The following ZNF469 variants were observed in gnomAD, a reference collection of about 807,000 sequenced individuals.
ZNF469 encodes zinc finger protein 469.
Under a neutral mutation model 1.0 loss-of-function variants are expected in ZNF469, and 1 was observed. The ratio of observed to expected loss-of-function variants is 1.00; its 90% CI spans 0.35 to 4.73. The LOEUF (loss-of-function observed/expected upper bound fraction) is 4.73, where lower values mean the gene tolerates loss of function less well. Among genes scored for constraint, ZNF469 ranks in the 30% most tolerant of loss-of-function variants. The probability of loss-of-function intolerance (pLI) is 0.16; values close to 1 mark genes in which losing one functional copy is unlikely to be tolerated. For missense variants in ZNF469, 6,100 were observed against 5,356.3 expected, an observed-to-expected ratio of 1.14 and a Z score of -4.33; for synonymous variants, 2,703 against 2,363.4, an observed-to-expected ratio of 1.14 and a Z score of -4.17.
At chr16:88,117,041 C>T in the ZNF469 span, among the ~76,000 whole-genome samples, 4 of 152,182 alleles carry the variant, frequency 2.6e-5, no homozygotes, top group Non-Finnish European at 5.9e-5. Context: ...TGGGTCATGC[C>T]AGGCTGATGG....
upstream of ZNF469, among the ~76,000 whole-genome samples, chr16:88,381,228 ACACACGCACTCACAGACATGCACT>A (rs1465030074): frequency 1.4e-5 from 2 of 144,744 alleles, no homozygotes; most frequent in Admixed American, 1.4e-4. Flanking sequence ...ACATGCACTC[ACACACGCACTCACAGACATGCACT>A]CACACGCACT....
At chr16:88,388,186 G>A (rs954334294) in intron 1 of ZNF469, among the ~76,000 whole-genome samples, 5 of 152,234 alleles carry the variant, frequency 3.3e-5, no homozygotes, top group African/African-American at 7.2e-5. Context: ...CAGCAGCCCC[G>A]GCCGAGGGAG....
chr16:88,208,826 C>G, the ZNF469 span, among the ~76,000 whole-genome samples: 1 of 149,782 alleles, frequency 6.7e-6, no homozygotes, highest in Non-Finnish European at 1.5e-5. Flanking sequence ...CTCTCTCTCT[C>G]TCTCTCTCTA....
chr16:88,430,566 C>A lies in ZNF469; in HGVS notation c.3096C>A (p.Pro1032=), dbSNP rs886813967. The change falls in exon 3 of 3, where the codon CCC becomes CCA. Residue 1032 remains proline (P), a synonymous_variant. Coordinates refer to ENST00000565624, the MANE Select transcript of ZNF469 (RefSeq NM_001367624.2). ...TRSSRRRRLP[P]RKDPRKRKAR... ...GCTCCCGGCGCCGCCGGCTGCCCCC[C>A]AGGAAGGACCCCAGGAAGAGGAAGG... 8 of 1,489,144 alleles carry A rather than the reference C, an allele frequency of 5.4e-6. No individual in the cohort carries two copies. The highest frequency in any genetic ancestry group is 1.5e-5 in the African/African-American group (1 of 68,530). The allele number at this position is 1,489,144 out of a possible 1,614,324, so 92.2% of individuals were successfully genotyped here.
chr16:88,284,040 T>C, the ZNF469 span, among the ~76,000 whole-genome samples: 1,467 of 63,784 alleles, frequency 0.023, 14 homozygotes, highest in East Asian at 0.039. Flanking sequence ...CCGGAGTGCC[T>C]GAGGTCTGTG....
the ZNF469 span, among the ~76,000 whole-genome samples, chr16:88,317,884 C>G: frequency 6.6e-6 from 1 of 152,216 alleles, no homozygotes; most frequent in African/African-American, 2.4e-5. Flanking sequence ...TGTCTCAGAG[C>G]TCGGTGTCAT....
chr16:88,343,182 A>T, the ZNF469 span, among the ~76,000 whole-genome samples: 13 of 152,270 alleles, frequency 8.5e-5, no homozygotes, highest in African/African-American at 3.1e-4. Flanking sequence ...GTGGTAGCCC[A>T]CCCTGCACTT....
At chr16:88,296,763 A>G in the ZNF469 span, among the ~76,000 whole-genome samples, 3 of 152,118 alleles carry the variant, frequency 2.0e-5, no homozygotes, top group Admixed American at 1.3e-4. Flanking sequence ...GTGCACATAC[A>G]TGCACACACA....
the ZNF469 span, among the ~76,000 whole-genome samples, chr16:88,359,702 C>A: frequency 2.0e-5 from 3 of 152,172 alleles, no homozygotes; most frequent in Admixed American, 2.0e-4. Flanking sequence ...AAAATAAAAG[C>A]ATTGCAAATA....
chr16:88,189,285 C>A, the ZNF469 span, among the ~76,000 whole-genome samples: 1 of 152,054 alleles, frequency 6.6e-6, no homozygotes, highest in South Asian at 2.1e-4. This position sits in a 1 kb window ranked among gnomAD's most constrained non-coding sequence, Gnocchi z 4.3. Context: ...GATGGTAATG[C>A]TTGGGTGTTA....
At chr16:88,319,952 G>T in the ZNF469 span, among the ~76,000 whole-genome samples, 1 of 152,204 alleles carries the variant, frequency 6.6e-6, no homozygotes, top group Admixed American at 6.5e-5. Context: ...GTCAGTGAGG[G>T]TTTCCTCCCA....
chr16:88,148,102 G>A, the ZNF469 span, among the ~76,000 whole-genome samples: 1 of 152,080 alleles, frequency 6.6e-6, no homozygotes, highest in Non-Finnish European at 1.5e-5. Flanking sequence ...TTCCTTCGTC[G>A]TTGTGTGTAC....
the ZNF469 span, among the ~76,000 whole-genome samples, chr16:88,134,334 G>C: frequency 0.019 from 2,913 of 152,276 alleles, 94 homozygotes; most frequent in African/African-American, 0.066. Flanking sequence ...TTGGGCAAAC[G>C]TTTACGAACC....
chr16:88,104,330 C>T, the ZNF469 span, among the ~76,000 whole-genome samples: 137 of 152,106 alleles, frequency 9.0e-4, no homozygotes, highest in South Asian at 4.8e-3. Flanking sequence ...AGTGCAATTC[C>T]GTTTAGACTG....
At chr16:88,256,137 T>G in the ZNF469 span, among the ~76,000 whole-genome samples, 1 of 152,178 alleles carries the variant, frequency 6.6e-6, no homozygotes, top group Non-Finnish European at 1.5e-5. Flanking sequence ...TTTCTAACAA[T>G]ATCTATCCAC....
chr16:88,368,321 C>T, the ZNF469 span, among the ~76,000 whole-genome samples: 3 of 152,198 alleles, frequency 2.0e-5, no homozygotes, highest in African/African-American at 7.2e-5. Flanking sequence ...GTGACCTGGG[C>T]CTGGACGCCA....
the ZNF469 span, among the ~76,000 whole-genome samples, chr16:88,187,714 C>T: frequency 1.3e-5 from 1 of 77,944 alleles, no homozygotes; most frequent in East Asian, 4.1e-4. Context: ...AGATTGCCTG[C>T]ATTTTTTTTT....
Position 88,383,168 on chromosome 16 carries a change from C to T in ZNF469, c.-278C>T, listed in dbSNP as rs1208845811. Among the ~76,000 whole-genome samples the T allele has an allele frequency of 2.0e-5, 3 of 148,008 alleles. No individual in the cohort carries two copies. In the East Asian group the frequency reaches 5.9e-4, roughly 29 times the overall value. On this transcript the variant is annotated 5_prime_UTR_variant, in exon 1 of 3. Coordinates refer to ENST00000565624, the MANE Select transcript of ZNF469 (RefSeq NM_001367624.2). ...GCCTGCGGTCGGGATGAGGACGGCGCCTCCGCTGCAGAGCGCTGGGGCGGC... is the reference window on the plus strand; with the variant it reads ...GCCTGCGGTCGGGATGAGGACGGCGTCTCCGCTGCAGAGCGCTGGGGCGGC...
chr16:88,305,581 G>C, the ZNF469 span, among the ~76,000 whole-genome samples: 1 of 114,478 alleles, frequency 8.7e-6, no homozygotes. Context: ...CACGCTCACA[G>C]GCACACACGC....
Sources: allele counts gnomAD v4.1 joint callset (sites outside exome capture counted in the v4.1 genomes callset), GRCh38; gene constraint gnomAD v4.1.1; non-coding constraint Gnocchi (gnomAD v3.1); transcripts MANE v1.5; gene names NCBI Gene and HGNC (gene_info 2026-07-23, HGNC 2026-07-21).